RGS22: variants seen among roughly 807,000 people sequenced by gnomAD.
The protein encoded by RGS22 is regulator of G protein signaling 22, also known as regulator of G-protein signaling 22.
Under a neutral mutation model 172.9 loss-of-function variants are expected in RGS22, and 148 were observed. The ratio of observed to expected loss-of-function variants is 0.86; its 90% CI spans 0.75 to 0.98. The LOEUF (loss-of-function observed/expected upper bound fraction) is 0.98, where lower values mean the gene tolerates loss of function less well. Among genes scored for constraint, RGS22 ranks in the 50% least tolerant of loss-of-function variants. The probability of loss-of-function intolerance (pLI) is 0.00; values close to 1 mark genes in which losing one functional copy is unlikely to be tolerated. For missense variants in RGS22, 1,347 were observed against 1,440.8 expected (o/e 0.93, Z 1.05); for synonymous variants, 458 against 480.2 (o/e 0.95, Z 0.60).
At chr8:100,078,982 A>G (rs2131890828) in intron 4 of RGS22, among the ~76,000 whole-genome samples, 1 of 152,378 alleles carries the variant, frequency 6.6e-6, no homozygotes, top group African/African-American at 2.4e-5. Flanking sequence ...CTCTAGTTTT[A>G]TAATAGACAT....
chr8:100,090,881 T>C (rs1411094604), intron 3 of RGS22, among the ~76,000 whole-genome samples: 1 of 152,162 alleles, frequency 6.6e-6, no homozygotes, highest in Admixed American at 6.5e-5. Context: ...GATTTTATTC[T>C]TAGTGTAATG....
chr8:100,028,664 A>G (rs748024360), intron 14 of RGS22, among the ~76,000 whole-genome samples: 24 of 152,182 alleles, frequency 1.6e-4, no homozygotes, highest in Non-Finnish European at 2.9e-4. Context: ...AAAAAACCCC[A>G]CTAAAAAGCT....
chr8:100,017,897 G>A (rs1488037694), intron 14 of RGS22, among the ~76,000 whole-genome samples: 1 of 152,100 alleles, frequency 6.6e-6, no homozygotes, highest in Non-Finnish European at 1.5e-5. Flanking sequence ...AGAAGAAAAT[G>A]CTCCCTTCAT....
chr8:100,065,416 G>A (rs1473880158), intron 7 of RGS22, among the ~76,000 whole-genome samples: 5 of 152,144 alleles, frequency 3.3e-5, no homozygotes, highest in African/African-American at 1.2e-4. Context: ...TTCAATTGGG[G>A]AGATTATTTT....
intron 23 of RGS22, among the ~76,000 whole-genome samples, chr8:99,973,171 C>T (rs571314986): frequency 4.6e-5 from 7 of 152,150 alleles, no homozygotes; most frequent in African/African-American, 1.7e-4. Context: ...TGGGGATATA[C>T]CCAAAGGATT....
At chr8:99,978,184 G>T in intron 22 of RGS22, 109 bp from the exon 23 acceptor site, 2 of 576,256 alleles carry the variant, frequency 3.5e-6, no homozygotes, top group East Asian at 3.5e-5. Context: ...TACCATGTTT[G>T]CTCCAACTTA....
chr8:100,076,809 A>G (rs1212223502), intron 4 of RGS22, among the ~76,000 whole-genome samples: 1 of 152,194 alleles, frequency 6.6e-6, no homozygotes, highest in Admixed American at 6.5e-5. Flanking sequence ...CCTGGCCGAC[A>G]TGGCAAAACC....
chr8:100,062,552 A>G, intron 9 of RGS22, 39 bp downstream of exon 9: 1 of 1,389,720 alleles, frequency 7.2e-7, no homozygotes, highest in Non-Finnish European at 1.0e-6. Context: ...AACTGGCGTA[A>G]GGAAAGTGAA....
chr8:100,052,375 C>G (rs938580156), intron 10 of RGS22, among the ~76,000 whole-genome samples: 1 of 149,934 alleles, frequency 6.7e-6, no homozygotes, highest in Non-Finnish European at 1.5e-5. Context: ...TATCTCGGCT[C>G]ACTGCAAGCT....
intron 24 of RGS22, among the ~76,000 whole-genome samples, chr8:99,963,547 G>C (rs1294227175): frequency 6.6e-6 from 1 of 152,104 alleles, no homozygotes; most frequent in East Asian, 1.9e-4. Context: ...TTCATATACA[G>C]TTAACCCTTT....
intron 10 of RGS22, among the ~76,000 whole-genome samples, chr8:100,047,801 C>T (rs1820882139): frequency 6.6e-6 from 1 of 152,070 alleles, no homozygotes; most frequent in African/African-American, 2.4e-5. Flanking sequence ...GCAATTTAGA[C>T]TGTAAAAAAG....
At chr8:99,974,982 C>G (rs1485764681) in intron 23 of RGS22, among the ~76,000 whole-genome samples, 1 of 151,896 alleles carries the variant, frequency 6.6e-6, no homozygotes, top group Non-Finnish European at 1.5e-5. Context: ...CCCACCTCTA[C>G]AAAAAATACA....
intron 19 of RGS22, 87 bp downstream of exon 19, chr8:99,999,175 G>T: frequency 1.8e-6 from 2 of 1,121,948 alleles, no homozygotes; most frequent in Non-Finnish European, 1.2e-6. Flanking sequence ...AAAAAAAAAG[G>T]ACAATGGCTG....
chr8:100,029,702 CAAAAAAA>C (rs369058108), intron 14 of RGS22, among the ~76,000 whole-genome samples: 2 of 62,016 alleles, frequency 3.2e-5, no homozygotes, highest in African/African-American at 5.3e-5. Flanking sequence ...AACTCCGTCT[CAAAAAAA>C]AAAAAAAAAA....
chr8:99,990,102 G>T (rs1813550826), intron 20 of RGS22, among the ~76,000 whole-genome samples: 1 of 151,916 alleles, frequency 6.6e-6, no homozygotes, highest in South Asian at 2.1e-4. Flanking sequence ...CATACTTAAG[G>T]CAATCACACA....
chr8:99,989,285 T>G (rs950201398), intron 20 of RGS22, among the ~76,000 whole-genome samples: 1 of 152,052 alleles, frequency 6.6e-6, no homozygotes, highest in Non-Finnish European at 1.5e-5. Flanking sequence ...ACTTATAAGC[T>G]CAAAAGGAAG....
intron 18 of RGS22, 128 bp from the exon 19 acceptor site, chr8:99,999,548 A>G: frequency 3.6e-6 from 3 of 836,240 alleles, no homozygotes; most frequent in South Asian, 3.6e-5. Flanking sequence ...CATTTTCTGT[A>G]TAACATCTCC....
At chr8:100,024,944 G>A (rs1170938187) in intron 14 of RGS22, among the ~76,000 whole-genome samples, 1 of 152,002 alleles carries the variant, frequency 6.6e-6, no homozygotes, top group Admixed American at 6.6e-5. Context: ...ATAGATAATG[G>A]TGTTTCAGAG....
At position 100,080,178 on chromosome 8, in the gene RGS22, C is replaced by A. The variant is rs1232994278; in HGVS notation, c.295G>T (p.Ala99Ser). ...TTAATGGTCTCATCTTCATCGGGGGCATTCATTTGAACAGGTTTAACCTCA... is the reference window on the plus strand; with the variant it reads ...TTAATGGTCTCATCTTCATCGGGGGAATTCATTTGAACAGGTTTAACCTCA... ...KNEVKPVQMN[A>S]PDEDETINVN... Residue 99 changes from alanine (A) to serine (S), a missense_variant, in exon 4 of 28, where the codon GCC becomes TCC. Ala to Ser is a moderately conservative substitution (Grantham distance 99, BLOSUM62 1). Transcript: ENST00000360863. The A allele has an allele frequency of 6.2e-7, 1 of 1,613,010 alleles. No homozygotes were observed. Among genetic ancestry groups the A allele is most frequent in the Non-Finnish European group, 8.5e-7 (1 of 1,179,144 alleles).
Sources: allele counts gnomAD v4.1 joint callset (sites outside exome capture counted in the v4.1 genomes callset), GRCh38; gene constraint gnomAD v4.1.1; transcripts MANE v1.5; gene names NCBI Gene and HGNC (gene_info 2026-07-23, HGNC 2026-07-21).